SAGE1: variants seen among roughly 807,000 people sequenced by gnomAD.
SAGE1 encodes the protein sarcoma antigen 1, also known as cancer/testis antigen 14.
Under a neutral mutation model 55.4 loss-of-function variants are expected in SAGE1, and 55 were observed. That is an observed-to-expected ratio of 0.99 (90% CI 0.80 to 1.24). SAGE1 has a LOEUF of 1.24. Among genes scored for constraint, SAGE1 ranks in the 50% most tolerant of loss-of-function variants. The probability of loss-of-function intolerance (pLI) is 0.00; values close to 1 mark genes in which losing one functional copy is unlikely to be tolerated. For synonymous variants in SAGE1, 240 were observed against 244.3 expected (o/e 0.98, Z 0.17); for missense variants, 710 against 704.4 (o/e 1.01, Z -0.09).
At chrX:135,912,065 T>C (rs2088908220) in intron 18 of SAGE1, 112 bp downstream of exon 18, 2 of 1,119,457 alleles carry the variant, frequency 1.8e-6, no homozygotes, top group Admixed American at 6.2e-5. Context: ...ATTGGATCTA[T>C]ATATAATTTA....
chrX:135,912,907 T>C lies in SAGE1; in HGVS notation c.*10T>C. The C allele has an allele frequency of 9.1e-7, 1 of 1,099,649 alleles. No homozygotes were observed. The highest frequency in any genetic ancestry group is 3.0e-5 in the East Asian group (1 of 33,186). The allele number at this position is 1,099,649 out of a possible 1,213,427, so 90.6% of individuals were successfully genotyped here. A position where few individuals can be genotyped will look rare whatever the true frequency, so the allele number is the denominator to read the frequency against. ...CATGAGAAAAAGATAATTGTGTTAG[T>C]GCAAAGACCAAGGAGAAACAAGGAC... On this transcript the variant is annotated 3_prime_UTR_variant, in exon 20 of 20. Transcript: ENST00000370709.
chrX:135,906,461 C>A lies in SAGE1; in HGVS notation c.646C>A (p.Pro216Thr), dbSNP rs868922147. ...VCEQKMENVQ[P>T]APDNVLLTLR... ...TGAACAGAAGATGGAAAATGTCCAA[C>A]CAGCACCTGATAACGTGTTGTTGAC... The change falls in exon 7 of 20, where the codon CCA becomes ACA. Residue 216 changes from proline (P) to threonine (T), a missense_variant. Pro to Thr is a conservative substitution (Grantham distance 38). Transcript: ENST00000370709. 8 of 1,209,110 alleles carry A rather than the reference C, an allele frequency of 6.6e-6. No homozygotes were observed. In the African/African-American group the frequency reaches 1.0e-4, roughly 16 times the overall value.
Position 135,902,793 on chromosome X carries a change from C to A in SAGE1, c.220+1102C>A, listed in dbSNP as rs181607519. ...ATTTCCCATTTCTTAGCAAGTCCAG[C>A]AGTAGATGCCCAGTATAAATTCTGC... On this transcript the variant is annotated intron_variant, in intron 3 of 19. Coordinates refer to ENST00000370709, the MANE Select transcript of SAGE1 (RefSeq NM_001381902.1). 3.6e-5 allele frequency among the ~76,000 whole-genome samples: 4 copies of A among 111,908 alleles called. No homozygotes were observed. In the Admixed American group the frequency reaches 3.8e-4, roughly 11 times the overall value.
chrX:135,910,151 C>T lies in SAGE1; in HGVS notation c.1845C>T (p.Ser615=). The change falls in exon 15 of 20, where the codon TCC becomes TCT. Residue 615 remains serine (S), a synonymous_variant. Transcript: ENST00000370709. ...FINMAATGVS[S]MSTRDQYAAV... ...ATATGGCAGCAACTGGTGTTTCATC[C>T]ATGAGTACCAGGGATCAGTGTAAGT... 8.3e-7 allele frequency: 1 copy of T among 1,207,781 alleles called. No homozygotes were observed. The highest frequency in any genetic ancestry group is 1.1e-6 in the Non-Finnish European group (1 of 892,214).
At position 135,910,106 on chromosome X, in the gene SAGE1, T is replaced by C. The variant is rs374938226; in HGVS notation, c.1800T>C (p.Thr600=). ...CAGCATCCGATAATGTCTTCTCGAC[T>C]GTTCCACCAGCATTTATTAATATGG... ...GQAASDNVFS[T]VPPAFINMAA... The change falls in exon 15 of 20, where the codon ACT becomes ACC. Residue 600 remains threonine, a synonymous_variant. Transcript: ENST00000370709. 4.1e-5 allele frequency: 49 copies of C among 1,205,256 alleles called. No individual in the cohort carries two copies. The highest frequency in any genetic ancestry group is 5.1e-5 in the Non-Finnish European group (45 of 890,905).
At position 135,905,502 on chromosome X, in the gene SAGE1, A is replaced by AG. The variant is rs782169642; in HGVS notation, c.454+114dup. On this transcript the variant is annotated intron_variant, in intron 5 of 19. Coordinates refer to ENST00000370709, the MANE Select transcript of SAGE1 (RefSeq NM_001381902.1). The stretch of plus-strand genomic sequence containing the variant: ...CATATACTTTCCTAGTCTCAATTTG[A>AG]GGGGTCTCAGATGGCCACCTGGCAA... 244 of 777,436 alleles carry AG rather than the reference A, an allele frequency of 3.1e-4. 1 individual carries two copies. Among genetic ancestry groups the AG allele is most frequent in the Middle Eastern group, 1.9e-3 (4 of 2,059 alleles). The allele number at this position is 777,436 out of a possible 1,213,427, so 64.1% of individuals were successfully genotyped here. A position where few individuals can be genotyped will look rare whatever the true frequency, so the allele number is the denominator to read the frequency against.
chrX:135,906,707 C>T (rs1328181802), intron 7 of SAGE1, among the ~76,000 whole-genome samples, 156 bp downstream of exon 7: 1 of 110,763 alleles, frequency 9.0e-6, no homozygotes, highest in Non-Finnish European at 1.9e-5. Context: ...TATTACTGTC[C>T]TACTTGGTTT....
Position 135,910,075 on chromosome X carries a change from G to T in SAGE1, c.1769G>T (p.Gly590Val), listed in dbSNP as rs782128367. Residue 590 changes from glycine to valine, a missense_variant, in exon 15 of 20, where the codon GGC (glycine) becomes GTC (valine). Transcript: ENST00000370709. ...GTCCATGAAGAGAAGATTAAAAATG[G>T]CCAAGCAGCATCCGATAATGTCTTC... ...HNVHEEKIKNGQAASDNVFST... is the reference protein window; with the variant it reads ...HNVHEEKIKNVQAASDNVFST... 9.1e-6 allele frequency: 11 copies of T among 1,206,975 alleles called. No individual in the cohort carries two copies. Among genetic ancestry groups the T allele is most frequent in the Non-Finnish European group, 1.2e-5 (11 of 891,627 alleles).
In SAGE1 at chrX:135,907,442, C is replaced by A. The variant is rs782276859; in HGVS notation, c.1007C>A (p.Thr336Asn). The A allele has an allele frequency of 8.3e-7, 1 of 1,204,887 alleles. No individual in the cohort carries two copies. The highest frequency in any genetic ancestry group is 1.1e-6 in the Non-Finnish European group (1 of 890,826). The part of the protein sequence containing the change: ...LTATGIPGMN[T>N]RDQYATITHN... ...GCAACTGGTATTCCGGGCATGAATA[C>A]CAGGGATCAGTGTATGTTTGTTTAC... Residue 336 changes from threonine to asparagine, a missense_variant, in exon 9 of 20, where the codon ACC becomes AAC. Transcript: ENST00000370709.
At position 135,907,711 on chromosome X, in the gene SAGE1, C is replaced by T; in HGVS notation, c.1029C>T (p.Ile343=). 3 of 1,209,271 alleles carry T rather than the reference C, an allele frequency of 2.5e-6. No individual in the cohort carries two copies. Among genetic ancestry groups the T allele is most frequent in the East Asian group, 3.0e-5 (1 of 33,842 alleles). The change falls in exon 10 of 20, where the codon ATC becomes ATT. Residue 343 remains isoleucine, a synonymous_variant. Coordinates refer to ENST00000370709, the MANE Select transcript of SAGE1 (RefSeq NM_001381902.1). ...TCATTTGGTTTCCAGATGCTACCAT[C>T]ACTCACAATGTCTGTGAAGAGAGAG... ...GMNTRDQYAT[I]THNVCEERVV...
intron 3 of SAGE1, 53 bp downstream of exon 3, chrX:135,901,744 T>A: frequency 1.8e-6 from 2 of 1,096,598 alleles, no homozygotes; most frequent in Non-Finnish European, 2.5e-6. Context: ...ACATTTGTAG[T>A]CATGTCCTTG....
intron 3 of SAGE1, among the ~76,000 whole-genome samples, chrX:135,902,833 C>T (rs1569521101): frequency 8.9e-6 from 1 of 112,198 alleles, no homozygotes. Context: ...AACCATTTCT[C>T]TCTATGCCTC....
rs782083573 is a variant in SAGE1 at position 135,911,183 on chromosome X, T to A, written c.2006-9T>A. 1 of 1,207,906 alleles carries A rather than the reference T, an allele frequency of 8.3e-7. No homozygotes were observed. Among genetic ancestry groups the A allele is most frequent in the South Asian group, 1.8e-5 (1 of 56,451 alleles). ...ACTTCACAGCTCAGCCTCTTCATTT[T>A]GTTTCCAGATGTCACCGCCACTCAC... On this transcript the variant is annotated splice_polypyrimidine_tract_variant and intron_variant, in intron 16 of 19. Transcript: ENST00000370709.
chrX:135,906,793 G>T (rs1318042522), intron 7 of SAGE1, 133 bp from the exon 8 acceptor site: 1 of 933,945 alleles, frequency 1.1e-6, no homozygotes, highest in African/African-American at 2.0e-5. Context: ...AATTTCAGGG[G>T]TCTCGTATGG....
In SAGE1 at chrX:135,910,428, T is replaced by TGGAAA. The variant is rs782403548; in HGVS notation, c.1878_1879insGGAAA (p.His627GlyfsTer10). Reference sequence around the variant, plus strand: ...TTTTGTTTCCAGATGCTGCAGTCACTCACAACATCCGTGAAGAGAAGATAA... The same window carrying TGGAAA: ...TTTTGTTTCCAGATGCTGCAGTCACTGGAAACACAACATCCGTGAAGAGAAGATAA... On this transcript the variant is annotated frameshift_variant, in exon 16 of 20. Transcript: ENST00000370709. LOFTEE classifies it high-confidence loss of function. 2 of 1,210,139 alleles carry TGGAAA rather than the reference T, an allele frequency of 1.7e-6. No homozygotes were observed. The highest frequency in any genetic ancestry group is 3.5e-5 in the South Asian group (2 of 56,869).
At chrX:135,906,315 G>T in intron 6 of SAGE1, 96 bp from the exon 7 acceptor site, 1 of 1,109,710 alleles carries the variant, frequency 9.0e-7, no homozygotes, top group East Asian at 3.0e-5. Context: ...ACTGCTTTAT[G>T]AAATAATTTC....
intron 2 of SAGE1, among the ~76,000 whole-genome samples, chrX:135,896,744 G>A (rs1200902885): frequency 9.1e-6 from 1 of 109,447 alleles, no homozygotes; most frequent in East Asian, 2.9e-4. Context: ...ATTTTTAGTA[G>A]AGACAGGGTT....
intron 4 of SAGE1, among the ~76,000 whole-genome samples, 190 bp downstream of exon 4, chrX:135,904,759 C>T (rs1324076853): frequency 9.0e-6 from 1 of 111,057 alleles, no homozygotes; most frequent in Non-Finnish European, 1.9e-5. Context: ...ATATCCTCCC[C>T]TGCTTTTTTA....
chrX:135,910,636 G>T, intron 16 of SAGE1, 81 bp downstream of exon 16: 1 of 955,083 alleles, frequency 1.0e-6, no homozygotes. Flanking sequence ...AGGTAATTTT[G>T]TTGTATATTC....
Sources: allele counts gnomAD v4.1 joint callset (sites outside exome capture counted in the v4.1 genomes callset), GRCh38; gene constraint gnomAD v4.1.1; transcripts MANE v1.5; gene names NCBI Gene and HGNC (gene_info 2026-07-23, HGNC 2026-07-21).